The following WFDC8 variants were observed in gnomAD, a reference collection of about 807,000 sequenced individuals.
WFDC8 encodes WAP four-disulfide core domain protein 8.
Under a neutral mutation model 27.0 loss-of-function variants are expected in WFDC8, and 24 were observed. The observed-to-expected ratio is 0.89, with a 90% CI of 0.64 to 1.25. The LOEUF (loss-of-function observed/expected upper bound fraction) is 1.25. Ranked by LOEUF, WFDC8 falls within the 50% of genes most tolerant of loss-of-function variation. The pLI is 0.00. For synonymous variants in WFDC8, 106 were observed against 99.7 expected, an observed-to-expected ratio of 1.06 and a Z score of -0.38; for missense variants, 287 against 295.9, an observed-to-expected ratio of 0.97 and a Z score of 0.22.
At chr20:45,568,536 G>A (rs184117837) in intron 1 of WFDC8, 31 of 431,524 alleles carry the variant, frequency 7.2e-5, no homozygotes, top group Admixed American at 4.0e-4. Context: ...TGTCCAGAAG[G>A]CCAAGTACTT....
chr20:45,562,609 C>T (rs1375829788), intron 1 of WFDC8, among the ~76,000 whole-genome samples: 1 of 152,196 alleles, frequency 6.6e-6, no homozygotes, highest in Non-Finnish European at 1.5e-5. Flanking sequence ...CTTTGCTCCA[C>T]TGATGACAGA....
At position 45,562,096 on chromosome 20, in the gene WFDC8, T is replaced by A; in HGVS notation, c.136+14A>T. 6 of 1,610,630 alleles carry A rather than the reference T, an allele frequency of 3.7e-6. No homozygotes were observed. Among genetic ancestry groups the A allele is most frequent in the Non-Finnish European group, 4.2e-6 (5 of 1,177,040 alleles). On this transcript the variant is annotated intron_variant, in intron 2 of 5. Coordinates refer to ENST00000289953, the MANE Select transcript of WFDC8 (RefSeq NM_130896.3). ...CTTTCTAAGGAAGAATGGCTGCAGC[T>A]TTTTTGAACTCACGTTTGATCTTCT...
Position 45,553,038 on chromosome 20 carries a change from G to A in WFDC8, c.586+98C>T, listed in dbSNP as rs536781515. 17 of 1,441,342 alleles carry A rather than the reference G, an allele frequency of 1.2e-5. No individual in the cohort carries two copies. The East Asian group carries it at 3.0e-4, about 25-fold the overall frequency. 89.3% of individuals were successfully genotyped at this position (1,441,342 alleles called of 1,614,324 possible). On this transcript the variant is annotated intron_variant, in intron 5 of 5. Transcript: ENST00000289953. ...AAAGATCCTCAAAGATGAGCCCAAG[G>A]AGCATCTGAGGTTCAAGACACCCCC... is the stretch of plus-strand genomic sequence containing the variant.
At chr20:45,577,195 A>C (rs1981074016) in intron 1 of WFDC8, among the ~76,000 whole-genome samples, 1 of 151,110 alleles carries the variant, frequency 6.6e-6, no homozygotes, top group Admixed American at 6.6e-5. Flanking sequence ...CATTTTTCAC[A>C]TTTTTGTGCT....
chr20:45,558,798 T>C lies in WFDC8; in HGVS notation c.277+54A>G. On this transcript the variant is annotated intron_variant, in intron 3 of 5. Coordinates refer to ENST00000289953, the MANE Select transcript of WFDC8 (RefSeq NM_130896.3). ...CCATCCAAGGGAATCCCTCAGCCAGTTTTGGACAGAGCAAGAAGTGGGGAA... is the reference window on the plus strand; with the variant it reads ...CCATCCAAGGGAATCCCTCAGCCAGCTTTGGACAGAGCAAGAAGTGGGGAA... The C allele has an allele frequency of 1.9e-6, 3 of 1,607,834 alleles. No individual in the cohort carries two copies. In the South Asian group the frequency reaches 3.3e-5, roughly 18 times the overall value.
Position 45,576,314 on chromosome 20 carries a change from T to C in WFDC8, c.26+2908A>G, listed in dbSNP as rs1378274454. 5.3e-5 allele frequency among the ~76,000 whole-genome samples: 8 copies of C among 151,444 alleles called. No homozygotes were observed. In the East Asian group the frequency reaches 1.5e-3, roughly 29 times the overall value. On this transcript the variant is annotated intron_variant, in intron 1 of 5. Coordinates refer to ENST00000289953, the MANE Select transcript of WFDC8 (RefSeq NM_130896.3). ...TCCTGATTTGATTGGTTTAGGTAAA[T>C]ACAAATGTATTCCTGGTGAACTGAG...
At chr20:45,578,015 CA>C (rs77301819) in intron 1 of WFDC8, among the ~76,000 whole-genome samples, 1 of 148,254 alleles carries the variant, frequency 6.7e-6, no homozygotes, top group Non-Finnish European at 1.5e-5. Context: ...TCAAACAAAA[CA>C]AAAAAAATAA....
rs528459552 is a variant in WFDC8, at chr20:45,575,593, C to A, written c.26+3629G>T. On this transcript the variant is annotated intron_variant, in intron 1 of 5. Coordinates refer to ENST00000289953, the MANE Select transcript of WFDC8 (RefSeq NM_130896.3). ...ATTAATATTGTTAAAATGCCCATAC[C>A]ACCCAGAACCTATCTTTTTGCCCAG... Among the ~76,000 whole-genome samples the A allele has an allele frequency of 2.8e-3, 428 of 151,246 alleles. 22 individuals are homozygous for A. Among genetic ancestry groups the A allele is most frequent in the Middle Eastern group, 7.0e-3 (2 of 284 alleles).
chr20:45,556,871 A>C (rs985198392), intron 3 of WFDC8, among the ~76,000 whole-genome samples: 3 of 152,194 alleles, frequency 2.0e-5, no homozygotes, highest in Admixed American at 2.0e-4. Context: ...TAGTGGCTGG[A>C]CCAAGAAGAA....
At chr20:45,579,136 C>G (rs1600904144) in intron 1 of WFDC8, 86 bp downstream of exon 1, 1 of 1,369,188 alleles carries the variant, frequency 7.3e-7, no homozygotes, top group East Asian at 2.3e-5. Context: ...CACAGCCGAC[C>G]ACTCTAACTT....
chr20:45,555,613 T>G, intron 4 of WFDC8, 88 bp downstream of exon 4: 1 of 1,498,554 alleles, frequency 6.7e-7, no homozygotes, highest in Non-Finnish European at 9.1e-7. Flanking sequence ...ACCAAGGAAC[T>G]TTAACCTCAA....
chr20:45,571,037 G>A (rs949338035), intron 1 of WFDC8, among the ~76,000 whole-genome samples: 4 of 152,212 alleles, frequency 2.6e-5, no homozygotes, highest in African/African-American at 9.6e-5. Flanking sequence ...TTCTGAGCCT[G>A]CTTGGGTAGG....
At chr20:45,551,508 A>T (rs977889051), downstream of WFDC8, 1 of 152,486 alleles carries the variant, frequency 6.6e-6, no homozygotes, top group African/African-American at 2.4e-5. Context: ...GGGCACCTGT[A>T]ATCCCAGCTA....
chr20:45,568,395 ATC>A, intron 1 of WFDC8: 1 of 259,102 alleles, frequency 3.9e-6, no homozygotes, highest in Non-Finnish European at 8.0e-6. Context: ...CATGGAGGTT[ATC>A]TCCCTTTTCA....
intron 1 of WFDC8, among the ~76,000 whole-genome samples, chr20:45,564,971 A>AAAAGAAAGAG (rs1555798533): frequency 2.0e-5 from 3 of 146,416 alleles, no homozygotes; most frequent in African/African-American, 5.1e-5. Context: ...GAAGGAAAGA[A>AAAAGAAAGAG]AGACAAAGAA....
At chr20:45,561,720 T>TA (rs2145567849) in intron 2 of WFDC8, among the ~76,000 whole-genome samples, 1 of 147,104 alleles carries the variant, frequency 6.8e-6, no homozygotes, top group East Asian at 2.0e-4. Flanking sequence ...ACTTATTAAT[T>TA]AAAAAACAAT....
chr20:45,557,977 A>G (rs1332845595), intron 3 of WFDC8, among the ~76,000 whole-genome samples: 1 of 152,214 alleles, frequency 6.6e-6, no homozygotes, highest in Non-Finnish European at 1.5e-5. Context: ...CTCTGAGATC[A>G]TGATGAAGTG....
At chr20:45,569,372 T>C (rs886510699) in intron 1 of WFDC8, among the ~76,000 whole-genome samples, 6 of 152,246 alleles carry the variant, frequency 3.9e-5, no homozygotes, top group Non-Finnish European at 8.8e-5. Context: ...TAGATTTGTA[T>C]TTATCAATAA....
intron 4 of WFDC8, 72 bp from the exon 5 acceptor site, chr20:45,553,348 T>A (rs972446657): frequency 2.0e-6 from 3 of 1,535,444 alleles, no homozygotes; most frequent in Non-Finnish European, 2.6e-6. Context: ...AGCCTTTCCT[T>A]CTCTTCAAAG....
Sources: gnomAD v4.1 joint callset for allele counts (sites outside exome capture counted in the v4.1 genomes callset) on GRCh38, gnomAD v4.1.1 for gene constraint, MANE v1.5 for transcripts, NCBI Gene and HGNC (gene_info 2026-07-23, HGNC 2026-07-21) for gene names.